GFRA1: variants seen among roughly 807,000 people sequenced by gnomAD.
GFRA1 encodes the protein GDNF family receptor alpha 1, also known as GDNF family receptor alpha-1.
A neutral mutation model predicts 51.6 loss-of-function variants in GFRA1; 16 were observed. That is an observed-to-expected ratio of 0.31 (90% CI 0.21 to 0.47). The LOEUF is 0.47. Among genes scored for constraint, GFRA1 ranks in the 20% least tolerant of loss-of-function variants. The pLI is 1.00. For missense variants in GFRA1, 530 were observed against 594.3 expected (o/e 0.89, Z 1.13); for synonymous variants, 270 against 241.3 (o/e 1.12, Z -1.10).
intron 2 of GFRA1, 139 bp downstream of exon 2, chr10:116,271,851 T>C (rs1843967286): frequency 1.3e-6 from 1 of 751,012 alleles, no homozygotes; most frequent in African/African-American, 1.7e-5. Flanking sequence ...CGCGATCCCA[T>C]TCCCCAAAAA....
rs1565546967 is a variant in GFRA1 at position 116,064,097 on chromosome 10, C to CATCATCATGATCATGATG, written c.*300_*301insCATCATGATCATGATGAT. 1 of 259,716 alleles carries CATCATCATGATCATGATG rather than the reference C, an allele frequency of 3.9e-6. No homozygotes were observed. The highest frequency in any genetic ancestry group is 7.2e-6 in the Non-Finnish European group (1 of 139,474). The allele number at this position is 259,716 out of a possible 1,614,324, so 16.1% of individuals were successfully genotyped here. Reference sequence around the variant, plus strand: ...TCATGATGATCATCATCATGATCATCATCATCATCGAAAACACAGCCCCAG... The same window carrying CATCATCATGATCATGATG: ...TCATGATGATCATCATCATGATCATCATCATCATGATCATGATGATCATCATCGAAAACACAGCCCCAG... On this transcript the variant is annotated 3_prime_UTR_variant, in exon 11 of 11. Transcript: ENST00000355422.
At chr10:116,193,725 C>A (rs1267254548) in intron 5 of GFRA1, among the ~76,000 whole-genome samples, 2 of 152,106 alleles carry the variant, frequency 1.3e-5, no homozygotes, top group African/African-American at 4.8e-5. Context: ...CCTGTGCCAG[C>A]CCTGGACCTG....
At chr10:116,210,690 G>A (rs1965125313) in intron 5 of GFRA1, among the ~76,000 whole-genome samples, 1 of 152,166 alleles carries the variant, frequency 6.6e-6, no homozygotes, top group Non-Finnish European at 1.5e-5. Flanking sequence ...CCTGTTTGGG[G>A]TGAAATAACA....
chr10:116,208,389 C>A (rs959180441), intron 5 of GFRA1, among the ~76,000 whole-genome samples: 2 of 152,136 alleles, frequency 1.3e-5, no homozygotes, highest in Non-Finnish European at 2.9e-5. Flanking sequence ...CCTTTGCTGT[C>A]TTTTTCACTT....
At chr10:116,213,276 G>A (rs1391102967) in intron 4 of GFRA1, among the ~76,000 whole-genome samples, 1 of 152,146 alleles carries the variant, frequency 6.6e-6, no homozygotes, top group East Asian at 1.9e-4. Flanking sequence ...TGGCAATAAG[G>A]AATCAAGCCA....
At chr10:116,143,722 A>T (rs1470738927) in intron 5 of GFRA1, among the ~76,000 whole-genome samples, 1 of 151,986 alleles carries the variant, frequency 6.6e-6, no homozygotes, top group African/African-American at 2.4e-5. Context: ...ACTCTCTAAC[A>T]AGCTGGAAGA....
At chr10:116,217,470 A>G (rs1386698025) in intron 4 of GFRA1, among the ~76,000 whole-genome samples, 2 of 152,132 alleles carry the variant, frequency 1.3e-5, no homozygotes, top group Non-Finnish European at 2.9e-5. Context: ...TGGACTAGCT[A>G]TTTAAACTCT....
In GFRA1 at chr10:116,116,085, ACTCT is replaced by A. The variant is rs3837361; in HGVS notation, c.770+9132_770+9135del. 3.8e-3 allele frequency among the ~76,000 whole-genome samples: 578 copies of A among 151,398 alleles called. 7 individuals carry two copies. The highest frequency in any genetic ancestry group is 0.012 in the East Asian group (60 of 5,136). ...CCATCACACCTTTCACCAGCACTGTACTCTCTCTCTCTCTTTTTTCTTTTTTGAG... is the reference window on the plus strand; with the variant it reads ...CCATCACACCTTTCACCAGCACTGTACTCTCTCTCTTTTTTCTTTTTTGAG... On this transcript the variant is annotated intron_variant, in intron 6 of 10. Transcript: ENST00000355422.
Position 116,064,203 on chromosome 10 carries a change from G to A in GFRA1, c.*195C>T. ...GCCTTCTGAGTTTGGATGGAGCACT[G>A]CATCAGGTTTTTCACAGAAGCCCCA... On this transcript the variant is annotated 3_prime_UTR_variant, in exon 11 of 11. Transcript: ENST00000355422. The A allele has an allele frequency of 3.4e-6, 2 of 586,466 alleles. No homozygotes were observed. Among genetic ancestry groups the A allele is most frequent in the Non-Finnish European group, 6.0e-6 (2 of 331,620 alleles). 36.3% of individuals were successfully genotyped at this position (586,466 alleles called of 1,614,324 possible).
chr10:116,239,936 G>A (rs1803336586), intron 4 of GFRA1, among the ~76,000 whole-genome samples: 1 of 152,124 alleles, frequency 6.6e-6, no homozygotes, highest in African/African-American at 2.4e-5. Flanking sequence ...TGTTACACCA[G>A]TGGAGGTTCA....
At chr10:116,217,828 A>G (rs1473020330) in intron 4 of GFRA1, among the ~76,000 whole-genome samples, 1 of 152,220 alleles carries the variant, frequency 6.6e-6, no homozygotes, top group Non-Finnish European at 1.5e-5. Context: ...GATTGCCTAT[A>G]AGAGAACACG....
chr10:116,154,385 A>G (rs1195917105), intron 5 of GFRA1, among the ~76,000 whole-genome samples: 1 of 152,258 alleles, frequency 6.6e-6, no homozygotes, highest in Non-Finnish European at 1.5e-5. Context: ...AGCAATTAAA[A>G]TTAACAAATT....
At chr10:116,176,311 C>A (rs932232742) in intron 5 of GFRA1, among the ~76,000 whole-genome samples, 4 of 152,178 alleles carry the variant, frequency 2.6e-5, no homozygotes, top group African/African-American at 9.7e-5. Context: ...TTCCATCTTT[C>A]ACTTCTTGAC....
chr10:116,266,461 G>T (rs1226181040), intron 4 of GFRA1, among the ~76,000 whole-genome samples: 1 of 152,136 alleles, frequency 6.6e-6, no homozygotes, highest in African/African-American at 2.4e-5. Flanking sequence ...ATTATTCAAT[G>T]ACTTAAAGCC....
At chr10:116,094,500 C>T (rs186873248) in intron 7 of GFRA1, among the ~76,000 whole-genome samples, 36 of 152,222 alleles carry the variant, frequency 2.4e-4, no homozygotes, top group African/African-American at 8.2e-4. Context: ...TACATCTTGT[C>T]GTGATATTTC....
intron 5 of GFRA1, among the ~76,000 whole-genome samples, chr10:116,175,750 G>A (rs1961520370): frequency 6.6e-6 from 1 of 152,162 alleles, no homozygotes; most frequent in African/African-American, 2.4e-5. Context: ...GGTAATAAAA[G>A]GAAACAAAGC....
At chr10:116,192,941 C>T (rs72836338) in intron 5 of GFRA1, among the ~76,000 whole-genome samples, 9 of 152,102 alleles carry the variant, frequency 5.9e-5, no homozygotes, top group African/African-American at 2.2e-4. Flanking sequence ...AAGGCAGAAA[C>T]AGCTGCCATC....
At chr10:116,089,035 A>T (rs1402317974) in intron 9 of GFRA1, among the ~76,000 whole-genome samples, 1 of 152,050 alleles carries the variant, frequency 6.6e-6, no homozygotes, top group Admixed American at 6.6e-5. Context: ...ATCAATAAAA[A>T]AGCAGGATAA....
chr10:116,159,073 C>T (rs1001963215), intron 5 of GFRA1, among the ~76,000 whole-genome samples: 3 of 152,226 alleles, frequency 2.0e-5, no homozygotes, highest in African/African-American at 7.2e-5. Context: ...AAAGTGCCAA[C>T]ATGCATCCTG....
Sources: allele counts gnomAD v4.1 joint callset (sites outside exome capture counted in the v4.1 genomes callset), GRCh38; gene constraint gnomAD v4.1.1; transcripts MANE v1.5; gene names NCBI Gene and HGNC (gene_info 2026-07-23, HGNC 2026-07-21).